Variants in PDE4D observed in about 807,000 individuals in gnomAD.
The protein encoded by PDE4D is 3',5'-cyclic-AMP phosphodiesterase 4D.
Under a neutral mutation model 87.4 loss-of-function variants are expected in PDE4D, and 24 were observed. That is an observed-to-expected ratio of 0.27 (90% CI 0.20 to 0.39). The LOEUF (loss-of-function observed/expected upper bound fraction) is 0.39, where lower values mean the gene tolerates loss of function less well. Ranked by LOEUF, PDE4D falls within the 10% of genes least tolerant of loss-of-function variation. PDE4D has a pLI of 1.00. For synonymous variants in PDE4D, 384 were observed against 383.2 expected, an observed-to-expected ratio of 1.00 and a Z score of -0.02; for missense variants, 714 against 1,041.0, an observed-to-expected ratio of 0.69 and a Z score of 4.32.
chr5:60,227,521 A>G (rs1052767392), intron 1 of PDE4D, among the ~76,000 whole-genome samples: 1 of 143,484 alleles, frequency 7.0e-6, no homozygotes, highest in African/African-American at 2.5e-5. Context: ...AAATAAGGGT[A>G]GAAGGGAGGG....
chr5:59,662,179 T>C (rs970731369), intron 1 of PDE4D, among the ~76,000 whole-genome samples: 7 of 152,212 alleles, frequency 4.6e-5, no homozygotes, highest in African/African-American at 1.7e-4. Context: ...AGCCATTTCC[T>C]CTACTTTCTT....
chr5:59,041,793 A>T lies in PDE4D; in HGVS notation c.809-2822T>A, dbSNP rs1759733293. ...TGTTCAGACTCAGGCTTCAAATCTAACAGGATGTGGCTCCACACATTATAT... is the reference window on the plus strand; with the variant it reads ...TGTTCAGACTCAGGCTTCAAATCTATCAGGATGTGGCTCCACACATTATAT... On this transcript the variant is annotated intron_variant, in intron 5 of 14. Coordinates refer to ENST00000340635, the MANE Select transcript of PDE4D (RefSeq NM_001104631.2). 2.0e-5 allele frequency among the ~76,000 whole-genome samples: 3 copies of T among 152,198 alleles called. No individual in the cohort carries two copies. The South Asian group carries it at 6.2e-4, about 32-fold the overall frequency.
intron 1 of PDE4D, among the ~76,000 whole-genome samples, chr5:59,330,973 T>C (rs1160389722): frequency 6.6e-6 from 1 of 152,146 alleles, no homozygotes; most frequent in East Asian, 1.9e-4. Context: ...TCATTTTCTT[T>C]CATCAACCGC....
At chr5:59,984,119 A>T (rs1762182931) in intron 3 of PDE4D, among the ~76,000 whole-genome samples, 1 of 152,216 alleles carries the variant, frequency 6.6e-6, no homozygotes, top group African/African-American at 2.4e-5. Context: ...GTCCAAGAGG[A>T]GGCAAAATAA....
intron 1 of PDE4D, among the ~76,000 whole-genome samples, chr5:59,711,523 A>AT (rs1169129306): frequency 1.3e-5 from 2 of 151,962 alleles, no homozygotes; most frequent in Non-Finnish European, 2.9e-5. Context: ...TTGTCTGCAT[A>AT]TTTTTTATCC....
rs1294430229 is a variant in PDE4D, at chr5:59,392,292, T to C, written c.456-176324A>G. On this transcript the variant is annotated intron_variant, in intron 1 of 14. Coordinates refer to ENST00000340635, the MANE Select transcript of PDE4D (RefSeq NM_001104631.2). The stretch of plus-strand genomic sequence containing the variant: ...GCTAGAATATAAGCAGGCAGAAACA[T>C]GTGAAAAGAAAGACTGGCCTAGCCT... Among the ~76,000 whole-genome samples, 4 of 151,122 alleles carry C rather than the reference T, an allele frequency of 2.6e-5. No homozygotes were observed. In the East Asian group the frequency reaches 5.8e-4, roughly 22 times the overall value.
chr5:59,264,974 CCTT>C (rs770546314), intron 1 of PDE4D, among the ~76,000 whole-genome samples: 5 of 151,954 alleles, frequency 3.3e-5, no homozygotes, highest in Non-Finnish European at 1.5e-5. Flanking sequence ...AAAAAGGAGT[CCTT>C]CTCAGTCTGG....
intron 1 of PDE4D, among the ~76,000 whole-genome samples, chr5:60,212,068 T>G (rs1277400541): frequency 1.3e-5 from 2 of 152,220 alleles, no homozygotes; most frequent in African/African-American, 4.8e-5. Flanking sequence ...TGCATATATA[T>G]GTAATTTTTA....
chr5:59,224,341 T>C (rs1057186272), intron 1 of PDE4D, among the ~76,000 whole-genome samples: 1 of 149,250 alleles, frequency 6.7e-6, no homozygotes, highest in South Asian at 2.1e-4. Context: ...GGTACAAAGA[T>C]GAAGGGTATA....
chr5:60,126,269 C>T (rs533699324), intron 2 of PDE4D, among the ~76,000 whole-genome samples: 2 of 151,252 alleles, frequency 1.3e-5, no homozygotes, highest in Middle Eastern at 6.8e-3. Flanking sequence ...AAAAACCAAA[C>T]TTAAACCCGA....
intron 1 of PDE4D, among the ~76,000 whole-genome samples, chr5:60,461,020 T>C (rs546137744): frequency 2.0e-5 from 3 of 152,234 alleles, no homozygotes; most frequent in African/African-American, 4.8e-5. Flanking sequence ...TTTGTAAACA[T>C]ACCTTTGGCG....
chr5:59,141,596 T>C (rs1777892664), intron 5 of PDE4D, among the ~76,000 whole-genome samples: 1 of 152,250 alleles, frequency 6.6e-6, no homozygotes, highest in South Asian at 2.1e-4. Flanking sequence ...CAGAGACTTA[T>C]AGACCGGGCT....
chr5:60,173,651 A>C (rs1783670739), intron 2 of PDE4D, among the ~76,000 whole-genome samples: 1 of 152,122 alleles, frequency 6.6e-6, no homozygotes, highest in African/African-American at 2.4e-5. Flanking sequence ...TTGTGAAAAG[A>C]CATAGATTCA....
intron 1 of PDE4D, among the ~76,000 whole-genome samples, chr5:60,399,370 C>T (rs1740841155): frequency 6.6e-6 from 1 of 152,130 alleles, no homozygotes; most frequent in South Asian, 2.1e-4. Context: ...CAAAAGAATG[C>T]CTTTAGATAA....
In PDE4D at chr5:58,974,662, T is replaced by C. The variant is rs370365789; in HGVS notation, c.*2A>G. The C allele has an allele frequency of 2.6e-6, 4 of 1,538,420 alleles. No homozygotes were observed. The highest frequency in any genetic ancestry group is 3.5e-6 in the Non-Finnish European group (4 of 1,143,666). Reference sequence around the variant, plus strand: ...AAAAAAGGCATGAAAGTTTTTGCACTGTTACGTGTCAGGAGAACGATCATC... The same window carrying C: ...AAAAAAGGCATGAAAGTTTTTGCACCGTTACGTGTCAGGAGAACGATCATC... On this transcript the variant is annotated 3_prime_UTR_variant, in exon 15 of 15. Transcript: ENST00000340635.
At chr5:59,355,034 T>C (rs1781152401) in intron 1 of PDE4D, among the ~76,000 whole-genome samples, 1 of 152,222 alleles carries the variant, frequency 6.6e-6, no homozygotes, top group Non-Finnish European at 1.5e-5. Flanking sequence ...TGATGGATAT[T>C]TGAGATGTCA....
intron 2 of PDE4D, among the ~76,000 whole-genome samples, chr5:60,061,742 A>G (rs13184995): frequency 0.14 from 21,398 of 152,166 alleles, 1,558 homozygotes; most frequent in Middle Eastern, 0.22. Context: ...ACATATACCA[A>G]TGGAACAGAA....
intron 2 of PDE4D, among the ~76,000 whole-genome samples, chr5:60,044,558 C>T (rs546718843): frequency 5.0e-4 from 75 of 150,620 alleles, no homozygotes; most frequent in Middle Eastern, 6.8e-3. Flanking sequence ...TATTCCCCTT[C>T]CTGTGTCCAT....
At chr5:60,027,576 T>C (rs1221523650) in intron 2 of PDE4D, among the ~76,000 whole-genome samples, 4 of 152,198 alleles carry the variant, frequency 2.6e-5, no homozygotes, top group Non-Finnish European at 5.9e-5. Context: ...TTTTCTGAAA[T>C]ATCTCATCCA....
Sources: allele counts gnomAD v4.1 joint callset (sites outside exome capture counted in the v4.1 genomes callset), GRCh38; gene constraint gnomAD v4.1.1; transcripts MANE v1.5; gene names NCBI Gene and HGNC (gene_info 2026-07-23, HGNC 2026-07-21).